The following IL16 variants were observed in gnomAD, a reference collection of about 807,000 sequenced individuals.
The protein encoded by IL16 is pro-interleukin-16.
Under a neutral mutation model 110.1 loss-of-function variants are expected in IL16, and 67 were observed. The observed-to-expected ratio is 0.61, with a 90% CI of 0.50 to 0.75. The LOEUF (loss-of-function observed/expected upper bound fraction) is 0.75. Among genes scored for constraint, IL16 ranks in the 30% least tolerant of loss-of-function variants. IL16 has a pLI of 0.00. For missense variants in IL16, 1,545 were observed against 1,655.0 expected (o/e 0.93, Z 1.15); for synonymous variants, 689 against 662.9 (o/e 1.04, Z -0.61).
upstream of IL16, among the ~76,000 whole-genome samples, chr15:81,195,949 T>C (rs554638576): frequency 4.6e-4 from 70 of 151,708 alleles, no homozygotes; most frequent in African/African-American, 1.7e-3. Context: ...CCCATTCTTT[T>C]ATGCTGCAGT....
intron 2 of IL16, among the ~76,000 whole-genome samples, chr15:81,247,279 T>G (rs76538365): frequency 0.025 from 3,795 of 152,178 alleles, 147 homozygotes; most frequent in African/African-American, 0.088. Context: ...TTCTTCCTTT[T>G]TAATATAAGC....
At chr15:81,212,166 T>G (rs1359835280) in intron 1 of IL16, among the ~76,000 whole-genome samples, 3 of 152,150 alleles carry the variant, frequency 2.0e-5, no homozygotes, top group African/African-American at 7.2e-5. Flanking sequence ...TATTACTGAT[T>G]CAATTTCAGT....
At chr15:81,247,026 G>T (rs1004539725) in intron 2 of IL16, among the ~76,000 whole-genome samples, 1 of 140,154 alleles carries the variant, frequency 7.1e-6, no homozygotes, top group Non-Finnish European at 1.6e-5. Context: ...ATTTGTAATT[G>T]TGTCCCCTTT....
chr15:81,188,327 C>T (rs1895446454), intron 1 of IL16: 1 of 456,206 alleles, frequency 2.2e-6, no homozygotes, highest in Admixed American at 2.3e-5. Flanking sequence ...CTCTTGCACA[C>T]TGCTGTTCTT....
At chr15:81,265,310 A>T (rs1164472628) in intron 3 of IL16, among the ~76,000 whole-genome samples, 2 of 151,956 alleles carry the variant, frequency 1.3e-5, no homozygotes, top group East Asian at 3.9e-4. Flanking sequence ...CTTGGTTGGG[A>T]TTGAAAACAC....
chr15:81,279,820 G>A, intron 8 of IL16, 46 bp downstream of exon 8: 1 of 1,522,316 alleles, frequency 6.6e-7, no homozygotes, highest in African/African-American at 1.4e-5. Context: ...TCCCAGCACT[G>A]GCTGAGTCTC....
At chr15:81,234,021 T>C (rs778614435) in intron 2 of IL16, among the ~76,000 whole-genome samples, 19 of 152,150 alleles carry the variant, frequency 1.2e-4, no homozygotes, top group Non-Finnish European at 1.5e-4. Flanking sequence ...CTCTTACAAT[T>C]TCGAAATATT....
At position 81,278,910 on chromosome 15, in the gene IL16, A is replaced by C. The variant is rs1363477136; in HGVS notation, c.864+20A>C. ...TTCAAGGTGACCATTTCTTATCAAC[A>C]CGTGACCAAACTCTGGGGCCTTCAG... On this transcript the variant is annotated intron_variant, in intron 7 of 18. Coordinates refer to ENST00000683961, the MANE Select transcript of IL16 (RefSeq NM_172217.5). The C allele has an allele frequency of 1.3e-6, 2 of 1,546,662 alleles. No individual in the cohort carries two copies. Among genetic ancestry groups the C allele is most frequent in the Admixed American group, 1.7e-5 (1 of 59,922 alleles).
intron 16 of IL16, among the ~76,000 whole-genome samples, chr15:81,304,180 C>T (rs2141630025): frequency 6.6e-6 from 1 of 152,354 alleles, no homozygotes; most frequent in South Asian, 2.1e-4. Flanking sequence ...ACTTCAGAGT[C>T]AATCATGTCA....
In IL16 at chr15:81,218,430, A is replaced by G. The variant is rs972114035; in HGVS notation, c.-101-6869A>G. On this transcript the variant is annotated intron_variant, in intron 1 of 18. Transcript: ENST00000683961. ...GAAGACTTTCTCCCCTAATTCATCT[A>G]TAAATGCAAAGCAATTCCAATCAAA... Among the ~76,000 whole-genome samples, 3 of 152,350 alleles carry G rather than the reference A, an allele frequency of 2.0e-5. No homozygotes were observed. The South Asian group carries it at 6.2e-4, about 32-fold the overall frequency.
chr15:81,211,722 G>A (rs970743125), intron 1 of IL16, among the ~76,000 whole-genome samples: 2 of 152,090 alleles, frequency 1.3e-5, no homozygotes, highest in Non-Finnish European at 2.9e-5. Flanking sequence ...TTGTTATTAA[G>A]GAATGTTGAA....
chr15:81,293,076 C>T (rs1172747977), intron 12 of IL16, 39 bp downstream of exon 12: 1 of 1,553,134 alleles, frequency 6.4e-7, no homozygotes, highest in Admixed American at 2.0e-5. Context: ...TTTCCAGGAC[C>T]AGACTCAAAT....
intron 2 of IL16, among the ~76,000 whole-genome samples, chr15:81,229,322 G>A (rs1462109124): frequency 6.6e-6 from 1 of 152,082 alleles, no homozygotes; most frequent in Non-Finnish European, 1.5e-5. Context: ...TTGAAAGCAG[G>A]ATATTCCAGG....
chr15:81,197,501 G>A (rs1450143150), intron 1 of IL16, among the ~76,000 whole-genome samples: 1 of 152,124 alleles, frequency 6.6e-6, no homozygotes, highest in Non-Finnish European at 1.5e-5. Flanking sequence ...GGAGGTGGAG[G>A]AAAGGAAGGC....
chr15:81,205,509 C>A (rs1895984575), intron 1 of IL16, among the ~76,000 whole-genome samples: 1 of 151,532 alleles, frequency 6.6e-6, no homozygotes, highest in Non-Finnish European at 1.5e-5. Context: ...CCAGTAATAT[C>A]AAATAAAATG....
At chr15:81,230,773 T>C (rs1896944089) in intron 2 of IL16, among the ~76,000 whole-genome samples, 1 of 152,200 alleles carries the variant, frequency 6.6e-6, no homozygotes, top group Admixed American at 6.5e-5. Context: ...AAGATTTCTG[T>C]GAAATCTAAG....
intron 16 of IL16, among the ~76,000 whole-genome samples, chr15:81,304,680 G>T (rs1900462772): frequency 6.6e-6 from 1 of 152,120 alleles, no homozygotes; most frequent in Admixed American, 6.5e-5. Context: ...GGAACCTGAG[G>T]TTCCTCCTTT....
chr15:81,244,525 G>T (rs1044311582), intron 2 of IL16, among the ~76,000 whole-genome samples: 3 of 151,814 alleles, frequency 2.0e-5, no homozygotes, highest in Admixed American at 6.6e-5. Flanking sequence ...ACATCCTTCT[G>T]TCCTCTTTCA....
chr15:81,188,988 C>T (rs1895457597), intron 1 of IL16, among the ~76,000 whole-genome samples: 1 of 152,136 alleles, frequency 6.6e-6, no homozygotes, highest in South Asian at 2.1e-4. Context: ...TTTATTGAAA[C>T]AAGGAGTGCA....
Sources: allele counts gnomAD v4.1 joint callset (sites outside exome capture counted in the v4.1 genomes callset), GRCh38; gene constraint gnomAD v4.1.1; transcripts MANE v1.5; gene names NCBI Gene and HGNC (gene_info 2026-07-23, HGNC 2026-07-21).